The following PARD3B variants were observed in gnomAD, a reference collection of about 807,000 sequenced individuals.
The protein encoded by PARD3B is par-3 family cell polarity regulator beta.
In PARD3B, 103 loss-of-function variants were observed where a neutral mutation model predicts 130.2. That is an observed-to-expected ratio of 0.79 (90% confidence interval 0.67 to 0.93). The LOEUF (loss-of-function observed/expected upper bound fraction) is 0.93, where lower values mean the gene tolerates loss of function less well. Ranked by LOEUF, PARD3B falls within the 40% of genes least tolerant of loss-of-function variation. PARD3B has a pLI of 0.00. For missense variants in PARD3B, 1,609 were observed against 1,499.2 expected (o/e 1.07, Z -1.21); for synonymous variants, 583 against 553.2 (o/e 1.05, Z -0.76).
At chr2:204,868,157 C>T (rs16836701) in intron 2 of PARD3B, among the ~76,000 whole-genome samples, 7,431 of 152,242 alleles carry the variant, frequency 0.049, 359 homozygotes, top group African/African-American at 0.12. Context: ...CAAAGTAAGT[C>T]ATGGCCAGTC....
chr2:204,962,386 A>G (rs1310626418), intron 2 of PARD3B, among the ~76,000 whole-genome samples: 1 of 152,110 alleles, frequency 6.6e-6, no homozygotes, highest in Admixed American at 6.5e-5. Context: ...ATGCCATACA[A>G]GTTTACTCTA....
chr2:204,957,662 G>T (rs568775948), intron 2 of PARD3B, among the ~76,000 whole-genome samples: 1 of 152,074 alleles, frequency 6.6e-6, no homozygotes, highest in African/African-American at 2.4e-5. Flanking sequence ...GGAAGGAAGA[G>T]AACGTACTTT....
At chr2:205,574,152 A>G (rs2053658916) in intron 22 of PARD3B, among the ~76,000 whole-genome samples, 1 of 152,252 alleles carries the variant, frequency 6.6e-6, no homozygotes, top group African/African-American at 2.4e-5. Context: ...GAACATTGAA[A>G]TCAAAGTTTA....
At chr2:205,332,678 C>T (rs534810086) in intron 18 of PARD3B, among the ~76,000 whole-genome samples, 1 of 152,234 alleles carries the variant, frequency 6.6e-6, no homozygotes, top group African/African-American at 2.4e-5. Context: ...GACGGCTTCC[C>T]CTCTTCTCTC....
chr2:204,936,735 A>G (rs1030285927), intron 2 of PARD3B, among the ~76,000 whole-genome samples: 14 of 152,210 alleles, frequency 9.2e-5, no homozygotes, highest in Middle Eastern at 3.2e-3. Context: ...GAGTTTAGTG[A>G]ATACAAATCT....
chr2:205,129,212 A>G (rs2031755898), intron 10 of PARD3B, among the ~76,000 whole-genome samples: 1 of 152,206 alleles, frequency 6.6e-6, no homozygotes. Context: ...TGAGGTTTAT[A>G]AGCACCTAAG....
intron 1 of PARD3B, among the ~76,000 whole-genome samples, chr2:204,550,204 C>T (rs1347012083): frequency 3.3e-5 from 5 of 152,232 alleles, no homozygotes; most frequent in Non-Finnish European, 7.3e-5. Context: ...ACACATCCTC[C>T]TGTATACTTT....
At position 205,281,854 on chromosome 2, in the gene PARD3B, G is replaced by A. The variant is rs1343304369; in HGVS notation, c.2186-18676G>A. Among the ~76,000 whole-genome samples the A allele has an allele frequency of 6.6e-6, 1 of 152,192 alleles. No individual in the cohort carries two copies. Among genetic ancestry groups the A allele is most frequent in the African/African-American group, 2.4e-5 (1 of 41,452 alleles). On this transcript the variant is annotated intron_variant, in intron 16 of 22. Coordinates refer to ENST00000406610, the MANE Select transcript of PARD3B (RefSeq NM_001302769.2). This position sits in a 1 kb window ranked among gnomAD's most constrained non-coding sequence, Gnocchi z 4.2. ...ACATGAGTTTACCCCTGAAATGGAT[G>A]AGTAGATGAGAATGCCTTGTAGTTG...
At position 205,217,885 on chromosome 2, in the gene PARD3B, TATATATA is replaced by T. The variant is rs1462081189; in HGVS notation, c.2140+24566_2140+24572del. 8.7e-4 allele frequency among the ~76,000 whole-genome samples: 87 copies of T among 100,070 alleles called. 1 individual carries two copies. Among genetic ancestry groups the T allele is most frequent in the African/African-American group, 1.3e-3 (31 of 23,198 alleles). 65.6% of individuals were successfully genotyped at this position (100,070 alleles called of 152,430 possible). ...GTGTGTGTGTATATATATATATATA[TATATATA>T]TATTTTTTTTTTTATTTTTTTGAGA... On this transcript the variant is annotated intron_variant, in intron 15 of 22. Transcript: ENST00000406610.
At chr2:205,515,510 C>T (rs2106381665) in intron 21 of PARD3B, among the ~76,000 whole-genome samples, 1 of 141,302 alleles carries the variant, frequency 7.1e-6, no homozygotes, top group South Asian at 2.5e-4. Context: ...GCATCTATTA[C>T]TTTTTTATTT....
At chr2:205,551,697 C>T (rs947393402) in intron 21 of PARD3B, among the ~76,000 whole-genome samples, 3 of 152,110 alleles carry the variant, frequency 2.0e-5, no homozygotes, top group Non-Finnish European at 2.9e-5. Flanking sequence ...TCCCCATATC[C>T]CCAACCCCAT....
chr2:205,462,009 C>T (rs1168380006), intron 20 of PARD3B, among the ~76,000 whole-genome samples: 2 of 152,152 alleles, frequency 1.3e-5, no homozygotes, highest in East Asian at 1.9e-4. Flanking sequence ...CATGACTTAC[C>T]TTATACATCT....
At position 205,263,385 on chromosome 2, in the gene PARD3B, T is replaced by C. The variant is rs1052091972; in HGVS notation, c.2185+17563T>C. Among the ~76,000 whole-genome samples the C allele has an allele frequency of 1.4e-5, 2 of 141,936 alleles. No individual in the cohort carries two copies. Among genetic ancestry groups the C allele is most frequent in the African/African-American group, 5.2e-5 (2 of 38,756 alleles). 93.1% of individuals were successfully genotyped at this position (141,936 alleles called of 152,430 possible). A position where few individuals can be genotyped will look rare whatever the true frequency, so the allele number is the denominator to read the frequency against. On this transcript the variant is annotated intron_variant, in intron 16 of 22. Coordinates refer to ENST00000406610, the MANE Select transcript of PARD3B (RefSeq NM_001302769.2). This position sits in a 1 kb window ranked among gnomAD's most constrained non-coding sequence, Gnocchi z 4.0. The stretch of plus-strand genomic sequence containing the variant: ...TGGATAACAGTGCAAACAGGAACTA[T>C]TTACTGAAAGTCCTTACTAAGGAGT...
rs78401495 is a variant in PARD3B, at chr2:204,948,587, G to A, written c.223-16565G>A. On this transcript the variant is annotated intron_variant, in intron 2 of 22. Transcript: ENST00000406610. ...CCCAGCACACAGAGACCGAACATGA[G>A]CATTAAAACAAAAAAAGGAACCTAT... Among the ~76,000 whole-genome samples the A allele has an allele frequency of 2.6e-5, 4 of 152,222 alleles. No individual in the cohort carries two copies. The East Asian group carries it at 7.7e-4, about 29-fold the overall frequency.
intron 1 of PARD3B, among the ~76,000 whole-genome samples, chr2:204,661,665 C>G (rs2035811989): frequency 6.6e-6 from 1 of 152,032 alleles, no homozygotes; most frequent in South Asian, 2.1e-4. Context: ...GATATTATAA[C>G]TAAGGGATTC....
At chr2:205,169,930 C>CTTTTTTTTTTTTT (rs200935015) in intron 11 of PARD3B, among the ~76,000 whole-genome samples, 1 of 126,640 alleles carries the variant, frequency 7.9e-6, no homozygotes, top group Non-Finnish European at 1.7e-5. Context: ...TTCCCCCCAC[C>CTTTTTTTTTTTTT]CTTTTTTTTT....
chr2:204,588,490 T>TA (rs2032932923), intron 1 of PARD3B, among the ~76,000 whole-genome samples: 1 of 152,204 alleles, frequency 6.6e-6, no homozygotes, highest in Non-Finnish European at 1.5e-5. Context: ...CCCACTTTGA[T>TA]ATGCAAATAT....
At chr2:204,776,511 A>G (rs2041629212) in intron 2 of PARD3B, among the ~76,000 whole-genome samples, 1 of 152,056 alleles carries the variant, frequency 6.6e-6, no homozygotes, top group African/African-American at 2.4e-5. Flanking sequence ...ATATTTTATT[A>G]TATTAGTTAG....
At chr2:205,124,243 A>C in intron 8 of PARD3B, 84 bp from the exon 9 acceptor site, 1 of 1,113,794 alleles carries the variant, frequency 9.0e-7, no homozygotes, top group Non-Finnish European at 1.2e-6. Flanking sequence ...TATTAGTCTA[A>C]ATTAGGTAGA....
Sources: allele counts gnomAD v4.1 joint callset (sites outside exome capture counted in the v4.1 genomes callset), GRCh38; gene constraint gnomAD v4.1.1; non-coding constraint Gnocchi (gnomAD v3.1); transcripts MANE v1.5; gene names NCBI Gene and HGNC (gene_info 2026-07-23, HGNC 2026-07-21).